The following GTF2I variants were observed in gnomAD, a reference collection of about 807,000 sequenced individuals.
GTF2I encodes the protein general transcription factor IIi.
Under a neutral mutation model 67.6 loss-of-function variants are expected in GTF2I, and 12 were observed. That is an observed-to-expected ratio of 0.18 (90% confidence interval 0.11 to 0.29). GTF2I has a LOEUF of 0.29. Among genes scored for constraint, GTF2I ranks in the 10% least tolerant of loss-of-function variants. GTF2I has a pLI of 1.00. For missense variants in GTF2I, 271 were observed against 580.1 expected, an observed-to-expected ratio of 0.47 and a Z score of 5.47; for synonymous variants, 149 against 197.0, an observed-to-expected ratio of 0.76 and a Z score of 2.04.
chr7:74,707,153 G>A (rs1055786620), intron 8 of GTF2I, among the ~76,000 whole-genome samples: 5 of 152,158 alleles, frequency 3.3e-5, no homozygotes, highest in Admixed American at 1.3e-4. Flanking sequence ...CCCGGCCCCC[G>A]TTTATAATTC....
intron 1 of GTF2I, among the ~76,000 whole-genome samples, chr7:74,667,006 G>A (rs370417734): frequency 1.2e-4 from 18 of 151,804 alleles, no homozygotes; most frequent in African/African-American, 3.1e-4. Context: ...TTAGCTAGGC[G>A]TGGTGGTGCG....
intron 10 of GTF2I, 68 bp downstream of exon 10, chr7:74,714,984 C>A: frequency 1.1e-6 from 1 of 928,398 alleles, no homozygotes; most frequent in East Asian, 2.6e-5. Context: ...ATTGCACAGA[C>A]TGTGTTTTAA....
intron 1 of GTF2I, among the ~76,000 whole-genome samples, chr7:74,688,692 GA>G (rs1554396057): frequency 1.3e-5 from 2 of 152,144 alleles, no homozygotes; most frequent in Non-Finnish European, 2.9e-5. Flanking sequence ...AGTAAGAAGA[GA>G]AACTTCTCTC....
chr7:74,703,919 A>G (rs151258231), intron 6 of GTF2I, among the ~76,000 whole-genome samples: 9 of 152,338 alleles, frequency 5.9e-5, no homozygotes, highest in African/African-American at 1.4e-4. Flanking sequence ...CTTTCCCTCA[A>G]GATATCCTTG....
At chr7:74,659,161 G>C (rs1271438527) in intron 1 of GTF2I, among the ~76,000 whole-genome samples, 1 of 151,942 alleles carries the variant, frequency 6.6e-6, no homozygotes, top group Non-Finnish European at 1.5e-5. Context: ...AGGCTCAAGC[G>C]ATCCTCCCAC....
chr7:74,701,505 C>G (rs587752363), intron 6 of GTF2I, among the ~76,000 whole-genome samples: 35 of 152,020 alleles, frequency 2.3e-4, no homozygotes, highest in African/African-American at 8.2e-4. Context: ...GAGTCTTGCT[C>G]TGTCGCCAAG....
chr7:74,670,455 G>T (rs1554390211), intron 1 of GTF2I, among the ~76,000 whole-genome samples: 1 of 152,118 alleles, frequency 6.6e-6, no homozygotes, highest in African/African-American at 2.4e-5. Context: ...CCAGCACTTT[G>T]GGAGGCCGAG....
intron 1 of GTF2I, among the ~76,000 whole-genome samples, chr7:74,675,073 G>C (rs1044036729): frequency 6.6e-6 from 1 of 151,760 alleles, no homozygotes; most frequent in Non-Finnish European, 1.5e-5. Flanking sequence ...GGCTGGTGTC[G>C]AACTCCTGAC....
chr7:74,712,080 G>A lies in GTF2I; in HGVS notation c.763+971G>A, dbSNP rs782341801. Among the ~76,000 whole-genome samples, 9 of 151,414 alleles carry A rather than the reference G, an allele frequency of 5.9e-5. No individual in the cohort carries two copies. The South Asian group carries it at 1.9e-3, about 31-fold the overall frequency. On this transcript the variant is annotated intron_variant, in intron 9 of 34. Transcript: ENST00000573035. ...TTCTTCTGCCTCAGCCTCCCGAATA[G>A]CTGGGATAGCAGGTGTGTGCCAACA...
intron 12 of GTF2I, among the ~76,000 whole-genome samples, chr7:74,724,419 G>T (rs181184829): frequency 1.1e-4 from 16 of 152,158 alleles, no homozygotes; most frequent in Non-Finnish European, 1.8e-4. Flanking sequence ...TTGATTCACC[G>T]GCCAGAATGC....
intron 6 of GTF2I, among the ~76,000 whole-genome samples, chr7:74,701,348 C>T (rs1554399834): frequency 6.6e-6 from 1 of 152,150 alleles, no homozygotes; most frequent in African/African-American, 2.4e-5. Flanking sequence ...ATTATATATA[C>T]ATAAACATAC....
intron 1 of GTF2I, among the ~76,000 whole-genome samples, chr7:74,662,904 C>T (rs587608882): frequency 6.6e-6 from 1 of 152,140 alleles, no homozygotes; most frequent in South Asian, 2.1e-4. Flanking sequence ...TTGATGACCC[C>T]CCTCCTTTCC....
At chr7:74,680,099 A>AAAAAAAAAAAAATATAT in intron 1 of GTF2I, among the ~76,000 whole-genome samples, 11 of 94,980 alleles carry the variant, frequency 1.2e-4, no homozygotes, top group African/African-American at 4.0e-4. Flanking sequence ...AAAAAAAAAA[A>AAAAAAAAAAAAATATAT]ATATATATAT....
At chr7:74,719,677 T>C (rs587599042) in intron 12 of GTF2I, among the ~76,000 whole-genome samples, 2 of 152,310 alleles carry the variant, frequency 1.3e-5, no homozygotes, top group South Asian at 4.1e-4. Context: ...CCCAGCACTT[T>C]GGGAGGCCAA....
At chr7:74,659,183 A>C (rs1304659274) in intron 1 of GTF2I, among the ~76,000 whole-genome samples, 1 of 151,334 alleles carries the variant, frequency 6.6e-6, no homozygotes, top group East Asian at 1.9e-4. Flanking sequence ...TTGGCCCCCC[A>C]TAGTGCTGGG....
At chr7:74,697,059 TTTAAC>T (rs1481759803) in intron 3 of GTF2I, among the ~76,000 whole-genome samples, 1 of 152,118 alleles carries the variant, frequency 6.6e-6, no homozygotes, top group Non-Finnish European at 1.5e-5. Context: ...CTGGTAATAC[TTTAAC>T]TTATTATATC....
In GTF2I at chr7:74,705,211, G is replaced by A. The variant is rs886875869; in HGVS notation, c.634G>A (p.Gly212Ser). 1 of 1,593,566 alleles carries A rather than the reference G, an allele frequency of 6.3e-7. No homozygotes were observed. Among genetic ancestry groups the A allele is most frequent in the Admixed American group, 1.7e-5 (1 of 59,948 alleles). The part of the protein sequence containing the change: ...TDADRSILSP[G>S]GSCGPIKVKT... ...TGCTGACAGGTCAATACTATCTCCA[G>A]GTGGAAGGTAAAACCTAATTTCATT... The change falls in exon 7 of 35, where the codon GGT (glycine) becomes AGT (serine). Residue 212 changes from glycine to serine, a missense_variant. Gly to Ser is a moderately conservative substitution (Grantham distance 56, BLOSUM62 0). Transcript: ENST00000573035.
intron 3 of GTF2I, among the ~76,000 whole-genome samples, chr7:74,691,478 G>A (rs1554397047): frequency 6.6e-6 from 1 of 152,094 alleles, no homozygotes; most frequent in Non-Finnish European, 1.5e-5. Flanking sequence ...AGTGCAGAGG[G>A]ATTATAGGCG....
chr7:74,683,155 A>G (rs1011744426), intron 1 of GTF2I, among the ~76,000 whole-genome samples: 6 of 152,228 alleles, frequency 3.9e-5, no homozygotes, highest in Non-Finnish European at 7.3e-5. Flanking sequence ...AGTTAAGCCC[A>G]TGAATGACAG....
Sources: allele counts gnomAD v4.1 joint callset (sites outside exome capture counted in the v4.1 genomes callset), GRCh38; gene constraint gnomAD v4.1.1; transcripts MANE v1.5; gene names NCBI Gene and HGNC (gene_info 2026-07-23, HGNC 2026-07-21).